CYSLTR2: variants seen among roughly 807,000 people sequenced by gnomAD.
The protein encoded by CYSLTR2 is G-protein coupled receptor GPCR21.
For missense variants in CYSLTR2, 398 were observed against 411.9 expected (o/e 0.97, Z 0.29); for synonymous variants, 179 against 160.8 (o/e 1.11, Z -0.86).
intron 1 of CYSLTR2, among the ~76,000 whole-genome samples, chr13:48,679,332 T>A (rs1018089764): frequency 6.6e-6 from 1 of 152,182 alleles, no homozygotes; most frequent in African/African-American, 2.4e-5. Flanking sequence ...TTCTTCCTCA[T>A]AGAGCTTTGT....
intron 1 of CYSLTR2, among the ~76,000 whole-genome samples, chr13:48,659,355 A>G (rs772760791): frequency 6.6e-6 from 1 of 152,152 alleles, no homozygotes; most frequent in Admixed American, 6.5e-5. Flanking sequence ...GTACTTTCTG[A>G]TGGTCACACA....
chr13:48,705,776 A>G (rs1037707514), intron 4 of CYSLTR2, among the ~76,000 whole-genome samples: 3 of 151,278 alleles, frequency 2.0e-5, no homozygotes, highest in Admixed American at 6.6e-5. Context: ...ACATCCATTT[A>G]AAACCACATC....
chr13:48,659,514 T>A (rs114099866), intron 1 of CYSLTR2, among the ~76,000 whole-genome samples: 5 of 152,346 alleles, frequency 3.3e-5, no homozygotes, highest in African/African-American at 1.2e-4. Context: ...CTCTAAGAAT[T>A]GAATTTAATA....
At position 48,702,154 on chromosome 13, in the gene CYSLTR2, G is replaced by A. The variant is rs9535066; in HGVS notation, c.-1-4663G>A. On this transcript the variant is annotated intron_variant, in intron 4 of 4. Coordinates refer to ENST00000682523, the MANE Select transcript of CYSLTR2 (RefSeq NM_001308476.3). ...AAACCATCATTCTGAGCAAACTATCGCAAGGACAGAAAACCAAACACTGCA... is the reference window on the plus strand; with the variant it reads ...AAACCATCATTCTGAGCAAACTATCACAAGGACAGAAAACCAAACACTGCA... 3.6e-3 allele frequency among the ~76,000 whole-genome samples: 541 copies of A among 151,098 alleles called. 1 individual carries two copies. The highest frequency in any genetic ancestry group is 5.8e-3 in the Non-Finnish European group (394 of 67,776).
At position 48,709,532 on chromosome 13, in the gene CYSLTR2, C is replaced by G. The variant is rs1954587645; in HGVS notation, c.*1674C>G. 1 of 152,920 alleles carries G rather than the reference C, an allele frequency of 6.5e-6. No individual in the cohort carries two copies. Among genetic ancestry groups the G allele is most frequent in the Non-Finnish European group, 1.5e-5 (1 of 68,054 alleles). 9.5% of individuals were successfully genotyped at this position (152,920 alleles called of 1,614,324 possible). On this transcript the variant is annotated 3_prime_UTR_variant, in exon 5 of 5. Coordinates refer to ENST00000682523, the MANE Select transcript of CYSLTR2 (RefSeq NM_001308476.3). ...ATCCTTCAACACAAAAGCTGCGTGT[C>G]TGCCCTATTACTCACCTGACGATGA...
At chr13:48,698,224 T>C (rs996523901) in intron 4 of CYSLTR2, among the ~76,000 whole-genome samples, 4 of 152,166 alleles carry the variant, frequency 2.6e-5, no homozygotes, top group Non-Finnish European at 5.9e-5. Flanking sequence ...AATTGTCAGA[T>C]TCACCAAAGT....
intron 1 of CYSLTR2, among the ~76,000 whole-genome samples, chr13:48,675,305 A>T (rs7318887): frequency 0.59 from 89,143 of 152,096 alleles, 28,281 homozygotes; most frequent in African/African-American, 0.85. Context: ...AGCCCCTAAC[A>T]GGGGCTTCTG....
At chr13:48,657,975 C>G (rs1175440690) in intron 1 of CYSLTR2, among the ~76,000 whole-genome samples, 1 of 151,930 alleles carries the variant, frequency 6.6e-6, no homozygotes. Context: ...AAGCTGGTTT[C>G]TCTTTATTTT....
intron 1 of CYSLTR2, among the ~76,000 whole-genome samples, chr13:48,682,095 G>T (rs1455529769): frequency 6.6e-6 from 1 of 152,136 alleles, no homozygotes; most frequent in Non-Finnish European, 1.5e-5. Context: ...CTCATGCCTT[G>T]TCTCCTTGTG....
In CYSLTR2 at chr13:48,707,496, G is replaced by T. The variant is rs778578042; in HGVS notation, c.679G>T (p.Val227Phe). Residue 227 changes from valine to phenylalanine, a missense_variant, in exon 5 of 5, where the codon GTT becomes TTT. Physicochemically the swap from Val to Phe is conservative, Grantham distance 50 (BLOSUM62 -1). Coordinates refer to ENST00000682523, the MANE Select transcript of CYSLTR2 (RefSeq NM_001308476.3). The stretch of plus-strand genomic sequence containing the variant: ...CATCTGTTATCTGCTGATCATTCGG[G>T]TTCTGTTAAAAGTGGAGGTCCCAGA... Reference protein sequence around the residue: ...LSICYLLIIRVLLKVEVPESG... With the variant: ...LSICYLLIIRFLLKVEVPESG... The T allele has an allele frequency of 1.2e-6, 2 of 1,612,492 alleles. No homozygotes were observed. Among genetic ancestry groups the T allele is most frequent in the Non-Finnish European group, 1.7e-6 (2 of 1,180,008 alleles).
At position 48,665,360 on chromosome 13, in the gene CYSLTR2, T is replaced by G. The variant is rs1192593504; in HGVS notation, c.-266+11343T>G. 2.6e-5 allele frequency among the ~76,000 whole-genome samples: 4 copies of G among 152,094 alleles called. No individual in the cohort carries two copies. The South Asian group carries it at 8.3e-4, about 31-fold the overall frequency. On this transcript the variant is annotated intron_variant, in intron 1 of 4. Coordinates refer to ENST00000682523, the MANE Select transcript of CYSLTR2 (RefSeq NM_001308476.3). Reference sequence around the variant, plus strand: ...GGTGTATGGGGCCATTTAAATCTGATGTTTCTTTGTTGATTTCCTGATTAG... The same window carrying G: ...GGTGTATGGGGCCATTTAAATCTGAGGTTTCTTTGTTGATTTCCTGATTAG...
chr13:48,699,386 C>T (rs760141258), intron 4 of CYSLTR2, among the ~76,000 whole-genome samples: 11 of 152,294 alleles, frequency 7.2e-5, no homozygotes, highest in Middle Eastern at 3.4e-3. Flanking sequence ...TTCGCAACTA[C>T]GTGGAAACTG....
At chr13:48,681,431 C>G (rs1271919937) in intron 1 of CYSLTR2, among the ~76,000 whole-genome samples, 3 of 152,148 alleles carry the variant, frequency 2.0e-5, no homozygotes, top group Admixed American at 2.0e-4. Context: ...GTCATACCTC[C>G]TCCTAAGTCT....
At chr13:48,660,875 C>T (rs980366025) in intron 1 of CYSLTR2, among the ~76,000 whole-genome samples, 38 of 152,206 alleles carry the variant, frequency 2.5e-4, no homozygotes, top group African/African-American at 8.7e-4. Flanking sequence ...CACTCTGAGG[C>T]CTCTGGGATT....
chr13:48,668,723 C>T (rs1953335463), intron 1 of CYSLTR2, among the ~76,000 whole-genome samples: 1 of 152,078 alleles, frequency 6.6e-6, no homozygotes, highest in Non-Finnish European at 1.5e-5. Flanking sequence ...CTGTCATCTA[C>T]ATTAGGAATT....
intron 1 of CYSLTR2, among the ~76,000 whole-genome samples, chr13:48,689,012 T>G (rs1262275163): frequency 1.3e-5 from 2 of 152,242 alleles, no homozygotes; most frequent in African/African-American, 2.4e-5. Flanking sequence ...TGACCAGTGA[T>G]GATGAGCTTT....
chr13:48,676,633 A>T (rs139746976), intron 1 of CYSLTR2, among the ~76,000 whole-genome samples: 102 of 152,356 alleles, frequency 6.7e-4, no homozygotes, highest in African/African-American at 2.3e-3. Context: ...AGTGGTTACC[A>T]ACTGAGTGAG....
At chr13:48,662,444 T>A (rs753708195) in intron 1 of CYSLTR2, among the ~76,000 whole-genome samples, 1 of 152,176 alleles carries the variant, frequency 6.6e-6, no homozygotes. Flanking sequence ...TAGTTCTCCA[T>A]GGTGGCTATA....
intron 1 of CYSLTR2, among the ~76,000 whole-genome samples, chr13:48,664,132 A>G (rs1273583411): frequency 6.6e-6 from 1 of 151,954 alleles, no homozygotes; most frequent in Non-Finnish European, 1.5e-5. Context: ...ATGTTTATTT[A>G]TTTGCATATG....
Sources: allele counts gnomAD v4.1 joint callset (sites outside exome capture counted in the v4.1 genomes callset), GRCh38; gene constraint gnomAD v4.1.1; transcripts MANE v1.5; gene names NCBI Gene and HGNC (gene_info 2026-07-23, HGNC 2026-07-21).